The following NTM variants were observed in gnomAD, a reference collection of about 807,000 sequenced individuals.
The protein encoded by NTM is IgLON family member 2.
A neutral mutation model predicts 42.1 loss-of-function variants in NTM; 13 were observed. The observed-to-expected ratio is 0.31, with a 90% CI of 0.20 to 0.49. NTM has a LOEUF of 0.49. NTM is among the 20% of genes least tolerant of loss of function. The probability of loss-of-function intolerance (pLI) is 0.99; values close to 1 mark genes in which losing one functional copy is unlikely to be tolerated. For missense variants in NTM, 373 were observed against 452.8 expected, an observed-to-expected ratio of 0.82 and a Z score of 1.60; for synonymous variants, 187 against 179.2, an observed-to-expected ratio of 1.04 and a Z score of -0.35.
chr11:132,316,815 G>GGCTCACCATCAATGAGGTCTTT (rs2095441249), intron 7 of NTM, among the ~76,000 whole-genome samples: 1 of 152,156 alleles, frequency 6.6e-6, no homozygotes, highest in Non-Finnish European at 1.5e-5. Flanking sequence ...TCATTATTGA[G>GGCTCACCATCAATGAGGTCTTT]GCTCACCATC....
intron 4 of NTM, among the ~76,000 whole-genome samples, chr11:132,240,978 G>A (rs2090092833): frequency 6.6e-6 from 1 of 152,168 alleles, no homozygotes; most frequent in South Asian, 2.1e-4. Context: ...CTGACTTCAT[G>A]TGAGAGGTCA....
intron 2 of NTM, among the ~76,000 whole-genome samples, chr11:132,046,978 A>G (rs546448717): frequency 2.3e-4 from 35 of 152,338 alleles, no homozygotes; most frequent in Non-Finnish European, 4.7e-4. Flanking sequence ...CAGTCCTCAT[A>G]GCAGCCCTAG....
intron 2 of NTM, among the ~76,000 whole-genome samples, chr11:132,061,326 T>G (rs2080639011): frequency 6.6e-6 from 1 of 152,234 alleles, no homozygotes; most frequent in Non-Finnish European, 1.5e-5. Context: ...AATGTCTTTA[T>G]CAACACCTTA....
chr11:131,537,338 A>G (rs1461830664), intron 1 of NTM: 1 of 152,270 alleles, frequency 6.6e-6, no homozygotes, highest in Non-Finnish European at 1.5e-5. Context: ...GGGCAGTAAC[A>G]TAGACCTGAC....
chr11:131,512,320 T>C (rs1322772068), intron 1 of NTM, among the ~76,000 whole-genome samples: 1 of 152,234 alleles, frequency 6.6e-6, no homozygotes, highest in African/African-American at 2.4e-5. Context: ...TCTTTGTCCA[T>C]GTCCTTGCTG....
intron 4 of NTM, among the ~76,000 whole-genome samples, chr11:132,275,100 T>G (rs2093654529): frequency 6.6e-6 from 1 of 152,148 alleles, no homozygotes; most frequent in Admixed American, 6.6e-5. Context: ...ATGGCAAGTC[T>G]AAAGATCTTT....
At chr11:132,287,750 T>A (rs1364888814) in intron 4 of NTM, among the ~76,000 whole-genome samples, 1 of 152,222 alleles carries the variant, frequency 6.6e-6, no homozygotes, top group Non-Finnish European at 1.5e-5. Flanking sequence ...TGTGCTAACA[T>A]GCATGTGTGA....
intron 4 of NTM, among the ~76,000 whole-genome samples, chr11:132,267,781 G>T (rs1000190680): frequency 6.6e-6 from 1 of 151,464 alleles, no homozygotes; most frequent in Non-Finnish European, 1.5e-5. Flanking sequence ...GGCAGATGTT[G>T]CAGCGAGCCG....
At chr11:131,865,726 CCTG>C (rs772127171) in intron 1 of NTM, among the ~76,000 whole-genome samples, 7 of 93,306 alleles carry the variant, frequency 7.5e-5, no homozygotes, top group Non-Finnish European at 1.3e-4. Flanking sequence ...ACACACCCCA[CCTG>C]CTCTCACACG....
chr11:131,710,430 G>A (rs183083581), intron 1 of NTM, among the ~76,000 whole-genome samples: 1 of 152,164 alleles, frequency 6.6e-6, no homozygotes, highest in East Asian at 1.9e-4. Flanking sequence ...AAGAGAGTAG[G>A]GGCAGGGAGG....
chr11:131,959,189 T>C lies in NTM; in HGVS notation c.167+47541T>C, dbSNP rs1447822538. ...CCTCATTTAGCAAACTCAAATCTTT[T>C]GTAATGGGCTGCCCGCAGATTTGCC... On this transcript the variant is annotated intron_variant, in intron 2 of 8. Transcript: ENST00000683400. 2.6e-5 allele frequency among the ~76,000 whole-genome samples: 4 copies of C among 152,334 alleles called. No homozygotes were observed. The South Asian group carries it at 8.3e-4, about 32-fold the overall frequency.
chr11:131,943,599 G>T (rs528511269), intron 2 of NTM, among the ~76,000 whole-genome samples: 1 of 152,116 alleles, frequency 6.6e-6, no homozygotes, highest in Non-Finnish European at 1.5e-5. Context: ...CTACTTCTCC[G>T]GCTCGTTTTT....
chr11:131,821,701 T>A (rs945391092), intron 1 of NTM, among the ~76,000 whole-genome samples: 1 of 152,192 alleles, frequency 6.6e-6, no homozygotes, highest in Non-Finnish European at 1.5e-5. Context: ...TCTGCGTATG[T>A]GGCGTGAGGT....
chr11:131,617,065 G>A (rs940773048), intron 1 of NTM, among the ~76,000 whole-genome samples: 2 of 152,140 alleles, frequency 1.3e-5, no homozygotes, highest in East Asian at 1.9e-4. Context: ...CAAACTATTA[G>A]GCAAAGTCAG....
At chr11:132,125,072 C>T (rs2065451641) in intron 2 of NTM, among the ~76,000 whole-genome samples, 1 of 152,172 alleles carries the variant, frequency 6.6e-6, no homozygotes, top group Admixed American at 6.5e-5. Context: ...CCTTCCCAGA[C>T]ACACCCTGCC....
intron 7 of NTM, chr11:132,314,981 GGAAAAGGAAAAT>G (rs944360726): frequency 1.2e-4 from 143 of 1,167,428 alleles, no homozygotes; most frequent in Non-Finnish European, 1.5e-4. Context: ...CTCAGAAGTG[GGAAAAGGAAAAT>G]GAAAAAGAAT....
At chr11:132,127,868 G>A (rs1298253853) in intron 2 of NTM, among the ~76,000 whole-genome samples, 3 of 152,278 alleles carry the variant, frequency 2.0e-5, no homozygotes, top group South Asian at 2.1e-4. Flanking sequence ...AGTGTCTAAC[G>A]TTATAGCCTG....
chr11:131,497,234 C>G (rs555508507), intron 1 of NTM, among the ~76,000 whole-genome samples: 14 of 152,254 alleles, frequency 9.2e-5, no homozygotes, highest in African/African-American at 3.4e-4. Context: ...TGTCACCCAG[C>G]CTGGAGTGCA....
intron 1 of NTM, among the ~76,000 whole-genome samples, chr11:131,679,886 C>T (rs938711917): frequency 1.3e-5 from 2 of 152,048 alleles, no homozygotes; most frequent in African/African-American, 4.8e-5. Context: ...ATGGGCTTTC[C>T]GATGGAGAAG....
Sources: gnomAD v4.1 joint callset for allele counts (sites outside exome capture counted in the v4.1 genomes callset) on GRCh38, gnomAD v4.1.1 for gene constraint, MANE v1.5 for transcripts, NCBI Gene and HGNC (gene_info 2026-07-23, HGNC 2026-07-21) for gene names.